The following LYST variants were observed in gnomAD, a reference collection of about 807,000 sequenced individuals.
LYST encodes lysosomal trafficking regulator.
Under a neutral mutation model 413.6 loss-of-function variants are expected in LYST, and 192 were observed. The observed-to-expected ratio is 0.46, with a 90% CI of 0.41 to 0.52. The LOEUF (loss-of-function observed/expected upper bound fraction) is 0.52, where lower values mean the gene tolerates loss of function less well. Ranked by LOEUF, LYST falls within the 20% of genes least tolerant of loss-of-function variation. The probability of loss-of-function intolerance (pLI) is 0.00; values close to 1 mark genes in which losing one functional copy is unlikely to be tolerated. For synonymous variants in LYST, 1,525 were observed against 1,567.3 expected (o/e 0.97, Z 0.64); for missense variants, 3,815 against 4,499.9 (o/e 0.85, Z 4.35).
intron 22 of LYST, 76 bp downstream of exon 22, chr1:235,762,644 A>T: frequency 6.9e-7 from 1 of 1,456,912 alleles, no homozygotes; most frequent in Non-Finnish European, 9.6e-7. Context: ...TACTTCTAAA[A>T]TATGTACAAT....
chr1:235,865,881 G>A (rs1318472694), intron 1 of LYST, among the ~76,000 whole-genome samples: 1 of 152,138 alleles, frequency 6.6e-6, no homozygotes, highest in African/African-American at 2.4e-5. Context: ...TGATCTTCAA[G>A]GAAACACTGG....
At chr1:235,718,614 C>T (rs766412027) in intron 40 of LYST, among the ~76,000 whole-genome samples, 2 of 152,170 alleles carry the variant, frequency 1.3e-5, no homozygotes, top group Non-Finnish European at 2.9e-5. Flanking sequence ...TTGGCACTTA[C>T]AGCTGAAATA....
chr1:235,859,434 A>G (rs756133675), intron 1 of LYST, among the ~76,000 whole-genome samples: 1 of 152,122 alleles, frequency 6.6e-6, no homozygotes, highest in Non-Finnish European at 1.5e-5. Context: ...AAGTATTTGA[A>G]AGAATATATT....
intron 36 of LYST, 84 bp from the exon 37 acceptor site, chr1:235,729,741 A>C: frequency 1.0e-6 from 1 of 972,184 alleles, no homozygotes; most frequent in Middle Eastern, 2.4e-4. Context: ...CTAGTAAAAG[A>C]TTTCTGCAAA....
chr1:235,841,482 T>C (rs913891224), intron 1 of LYST, among the ~76,000 whole-genome samples: 5 of 152,178 alleles, frequency 3.3e-5, no homozygotes, highest in Non-Finnish European at 7.4e-5. Context: ...AAAATCATCA[T>C]GGTGAGAGTA....
chr1:235,782,176 A>AGGCCGGGCGCGGTGGCTCACGCCTGT (rs1558236640), intron 14 of LYST, 89 bp from the exon 15 acceptor site: 4 of 1,154,470 alleles, frequency 3.5e-6, no homozygotes. Context: ...AACAATGGGG[A>AGGCCGGGCGCGGTGGCTCACGCCTGT]ATTCTTTTTT....
intron 25 of LYST, among the ~76,000 whole-genome samples, chr1:235,755,156 A>C (rs1427735643): frequency 6.7e-6 from 1 of 149,582 alleles, no homozygotes; most frequent in East Asian, 2.0e-4. Context: ...TTGGGAGGCC[A>C]AGGCAGGCAG....
At chr1:235,864,441 A>G (rs1261054542) in intron 1 of LYST, among the ~76,000 whole-genome samples, 5 of 151,898 alleles carry the variant, frequency 3.3e-5, no homozygotes, top group Admixed American at 3.3e-4. Flanking sequence ...TGTCTTTTAC[A>G]TCTCTACCCT....
At chr1:235,797,698 C>A (rs961576911) in intron 10 of LYST, among the ~76,000 whole-genome samples, 2 of 152,012 alleles carry the variant, frequency 1.3e-5, no homozygotes, top group Admixed American at 1.3e-4. Flanking sequence ...GGGGAACATT[C>A]CATAATATTG....
In LYST at chr1:235,805,628, A is replaced by AAT. The variant is rs59550727; in HGVS notation, c.3393+113_3393+114dup. 0.047 allele frequency: 16,587 copies of AAT among 353,678 alleles called. 3,589 individuals carry two copies. The East Asian group carries it at 0.63, about 13-fold the overall frequency. 21.9% of individuals were successfully genotyped at this position (353,678 alleles called of 1,614,324 possible). The stretch of plus-strand genomic sequence containing the variant: ...TATTATATGTTATATATAACACAAT[A>AAT]ATATATATATTACATATATTATGTA... On this transcript the variant is annotated intron_variant, in intron 6 of 52. Coordinates refer to ENST00000389793, the MANE Select transcript of LYST (RefSeq NM_000081.4).
At chr1:235,857,704 T>C (rs535215050) in intron 1 of LYST, among the ~76,000 whole-genome samples, 13 of 145,184 alleles carry the variant, frequency 9.0e-5, no homozygotes, top group Admixed American at 4.9e-4. Flanking sequence ...TGTATATATA[T>C]ACACACACAC....
chr1:235,724,329 A>G (rs1367886940), intron 38 of LYST, 149 bp from the exon 39 acceptor site: 1 of 648,752 alleles, frequency 1.5e-6, no homozygotes. Flanking sequence ...TCCCAATGCA[A>G]AACACCTCAA....
At chr1:235,853,414 AT>A (rs1678783214) in intron 1 of LYST, among the ~76,000 whole-genome samples, 1 of 152,202 alleles carries the variant, frequency 6.6e-6, no homozygotes, top group South Asian at 2.1e-4. Flanking sequence ...ATTCTGTATT[AT>A]GCATTTAAGC....
intron 31 of LYST, chr1:235,738,361 T>G: frequency 1.2e-6 from 2 of 1,612,606 alleles, no homozygotes; most frequent in East Asian, 2.2e-5. Context: ...AATTCATCAT[T>G]CCTAATGTTG....
In LYST at chr1:235,816,741, G is replaced by A. The variant is rs552309709; in HGVS notation, c.193-3680C>T. Among the ~76,000 whole-genome samples the A allele has an allele frequency of 6.5e-3, 986 of 152,168 alleles. 11 individuals are homozygous for A. Among genetic ancestry groups the A allele is most frequent in the African/African-American group, 0.023 (948 of 41,500 alleles). ...ACAGAGACCGATGGAACAGAATAAA[G>A]AGCCCAGAAATAAAGCTGCACACCT... is the stretch of plus-strand genomic sequence containing the variant. On this transcript the variant is annotated intron_variant, in intron 3 of 52. Transcript: ENST00000389793.
upstream of LYST, among the ~76,000 whole-genome samples, chr1:235,868,920 C>T (rs1018846521): frequency 2.6e-5 from 4 of 152,078 alleles, no homozygotes; most frequent in African/African-American, 9.7e-5. Flanking sequence ...GTCTCGAACT[C>T]CTGACCTCAG....
intron 44 of LYST, among the ~76,000 whole-genome samples, chr1:235,704,552 T>C (rs1661811953): frequency 6.6e-6 from 1 of 152,240 alleles, no homozygotes; most frequent in African/African-American, 2.4e-5. Flanking sequence ...CACGTATGTC[T>C]TGTTTTGAAA....
intron 44 of LYST, among the ~76,000 whole-genome samples, chr1:235,705,626 TC>T (rs562114448): frequency 2.0e-5 from 3 of 152,078 alleles, no homozygotes; most frequent in Non-Finnish European, 4.4e-5. Context: ...CCTCAAGCGA[TC>T]ATCCTGCCTC....
intron 2 of LYST, among the ~76,000 whole-genome samples, chr1:235,831,684 A>G (rs1332244368): frequency 6.6e-6 from 1 of 152,216 alleles, no homozygotes; most frequent in African/African-American, 2.4e-5. Flanking sequence ...TAGTATAACA[A>G]ACATCAATAT....
Sources: gnomAD v4.1 joint callset for allele counts (sites outside exome capture counted in the v4.1 genomes callset) on GRCh38, gnomAD v4.1.1 for gene constraint, MANE v1.5 for transcripts, NCBI Gene and HGNC (gene_info 2026-07-23, HGNC 2026-07-21) for gene names.